ERBIN: variants seen among roughly 807,000 people sequenced by gnomAD.
ERBIN encodes densin-180-like protein.
Under a neutral mutation model 158.4 loss-of-function variants are expected in ERBIN, and 60 were observed. The observed-to-expected ratio is 0.38, with a 90% CI of 0.31 to 0.47. ERBIN has a LOEUF of 0.47. ERBIN is among the 20% of genes least tolerant of loss of function. The pLI, the probability that ERBIN is intolerant of heterozygous loss-of-function variation, is 0.99. For synonymous variants in ERBIN, 594 were observed against 557.2 expected, an observed-to-expected ratio of 1.07 and a Z score of -0.93; for missense variants, 1,610 against 1,648.0, an observed-to-expected ratio of 0.98 and a Z score of 0.40.
At chr5:65,932,402 C>T (rs929044738) in intron 1 of ERBIN, among the ~76,000 whole-genome samples, 1 of 151,242 alleles carries the variant, frequency 6.6e-6, no homozygotes, top group Non-Finnish European at 1.5e-5. Context: ...AGCTTGAAGG[C>T]ATTGCCTTTG....
intron 25 of ERBIN, among the ~76,000 whole-genome samples, 181 bp from the exon 26 acceptor site, chr5:66,078,242 A>G (rs1373083046): frequency 4.6e-5 from 7 of 152,172 alleles, no homozygotes; most frequent in African/African-American, 1.4e-4. Flanking sequence ...GACAAAATAC[A>G]CATTTTTAGA....
chr5:66,076,262 G>A (rs1761974442), intron 23 of ERBIN, 54 bp from the exon 24 acceptor site: 1 of 1,330,942 alleles, frequency 7.5e-7, no homozygotes, highest in South Asian at 1.2e-5. Flanking sequence ...GGATGTTGTT[G>A]CATTATAACT....
At chr5:66,076,972 T>A in intron 25 of ERBIN, 23 bp downstream of exon 25, 2 of 1,503,478 alleles carry the variant, frequency 1.3e-6, no homozygotes, top group South Asian at 1.2e-5. Context: ...AATCTTTTTT[T>A]TTTTCATTTT....
intron 15 of ERBIN, among the ~76,000 whole-genome samples, chr5:66,038,706 C>A (rs1364214914): frequency 1.3e-5 from 2 of 151,978 alleles, no homozygotes; most frequent in Non-Finnish European, 2.9e-5. Context: ...TTAAATTAAA[C>A]CGCAGTGTTA....
In ERBIN at chr5:66,054,193, A is replaced by AGAGGC; in HGVS notation, c.2876_2880dup (p.Pro961GlufsTer42). 1 of 1,614,162 alleles carries AGAGGC rather than the reference A, an allele frequency of 6.2e-7. No individual in the cohort carries two copies. The highest frequency in any genetic ancestry group is 8.5e-7 in the Non-Finnish European group (1 of 1,180,032). On this transcript the variant is annotated frameshift_variant, in exon 21 of 26. Transcript: ENST00000284037. LOFTEE classifies it high-confidence loss of function. ...TAATCCCGAAGAGCCAAATATAATA[A>AGAGGC]GAGGCCCCACAAGTGGCCCACAATC...
Position 66,007,412 on chromosome 5 carries a change from G to T in ERBIN, c.308-4637G>T, listed in dbSNP as rs181890724. Among the ~76,000 whole-genome samples, 582 of 85,064 alleles carry T rather than the reference G, an allele frequency of 6.8e-3. 5 individuals carry two copies. Among genetic ancestry groups the T allele is most frequent in the African/African-American group, 0.03 (541 of 18,250 alleles). The allele number at this position is 85,064 out of a possible 152,430, so 55.8% of individuals were successfully genotyped here. ...CGTGGGGTTGGGGGAGCGGGGAGGG[G>T]ATAGCGTTAGGAGATATACCTATAC... On this transcript the variant is annotated intron_variant, in intron 4 of 25. Transcript: ENST00000284037.
At position 66,050,891 on chromosome 5, in the gene ERBIN, A is replaced by G. The variant is rs1194233499; in HGVS notation, c.2012A>G (p.Asn671Ser). The change falls in exon 20 of 26, where the codon AAT becomes AGT. Residue 671 changes from asparagine to serine, a missense_variant. Physicochemically the swap from Asn to Ser is conservative, Grantham distance 46 (BLOSUM62 1). Around this residue, in one of 2 missense-constraint regions of ERBIN, gnomAD observed 1,014 missense variants for 936.1 expected, o/e 1.08. Coordinates refer to ENST00000284037, the MANE Select transcript of ERBIN (RefSeq NM_001253697.2). ...CGGATGTCTGATTCAGTTTCTCTTA[A>G]TACTGATAGTAGTCAAGACACCTCA... Reference protein sequence around the residue: ...PSRMSDSVSLNTDSSQDTSLC... With the variant: ...PSRMSDSVSLSTDSSQDTSLC... 1.1e-5 allele frequency: 18 copies of G among 1,607,408 alleles called. No individual in the cohort carries two copies. The highest frequency in any genetic ancestry group is 5.1e-5 in the Admixed American group (3 of 58,514).
rs1011806731 is a variant in ERBIN at position 66,036,406 on chromosome 5, T to A, written c.1207-1977T>A. Among the ~76,000 whole-genome samples the A allele has an allele frequency of 8.5e-5, 13 of 152,360 alleles. No homozygotes were observed. In the East Asian group the frequency reaches 1.2e-3, roughly 14 times the overall value. ...TACCCCATACACATTCATTCTCATTTCTCTAAATCAGTTCTGCTTTCTTGG... is the reference window on the plus strand; with the variant it reads ...TACCCCATACACATTCATTCTCATTACTCTAAATCAGTTCTGCTTTCTTGG... On this transcript the variant is annotated intron_variant, in intron 14 of 25. Transcript: ENST00000284037.
chr5:65,941,685 T>C (rs991671460), intron 1 of ERBIN, among the ~76,000 whole-genome samples: 2 of 152,194 alleles, frequency 1.3e-5, no homozygotes, highest in African/African-American at 4.8e-5. Context: ...TCACTACTTA[T>C]ACCCTAAGGT....
At chr5:65,977,216 C>G (rs2151003185) in intron 1 of ERBIN, among the ~76,000 whole-genome samples, 1 of 145,980 alleles carries the variant, frequency 6.9e-6, no homozygotes, top group Admixed American at 6.7e-5. Context: ...CCACCTCCCT[C>G]CCGGATGGGG....
At chr5:65,943,286 G>A (rs1382490740) in intron 1 of ERBIN, among the ~76,000 whole-genome samples, 1 of 152,180 alleles carries the variant, frequency 6.6e-6, no homozygotes, top group Non-Finnish European at 1.5e-5. Flanking sequence ...TCTCTAATCA[G>A]GCACTTGCAT....
intron 1 of ERBIN, among the ~76,000 whole-genome samples, chr5:65,946,330 C>T (rs1745741973): frequency 6.6e-6 from 1 of 152,054 alleles, no homozygotes; most frequent in South Asian, 2.1e-4. Flanking sequence ...CACCACTGCA[C>T]TCCAGCCTGG....
chr5:66,063,836 A>C (rs1416787492), intron 21 of ERBIN, among the ~76,000 whole-genome samples: 2 of 152,216 alleles, frequency 1.3e-5, no homozygotes, highest in Non-Finnish European at 2.9e-5. Context: ...AATACCAATA[A>C]AATGTCAATA....
At position 66,018,466 on chromosome 5, in the gene ERBIN, A is replaced by ATATATATTATATATTATATAT. The variant is rs1188816701; in HGVS notation, c.534-2850_534-2830dup. Among the ~76,000 whole-genome samples the ATATATATTATATATTATATAT allele has an allele frequency of 9.1e-4, 5 of 5,498 alleles. No individual in the cohort carries two copies. The East Asian group carries it at 0.016, about 18-fold the overall frequency. The allele number at this position is 5,498 out of a possible 152,430, so 3.6% of individuals were successfully genotyped here. Reference sequence around the variant, plus strand: ...AATATAATATATATTATATTATATAATATATATTATATATTATATATTATA... The same window carrying ATATATATTATATATTATATAT: ...AATATAATATATATTATATTATATAATATATATTATATATTATATATTATATATTATATATTATATATTATA... On this transcript the variant is annotated intron_variant, in intron 7 of 25. Coordinates refer to ENST00000284037, the MANE Select transcript of ERBIN (RefSeq NM_001253697.2).
chr5:65,981,311 CTTTAAAG>C (rs1750631479), intron 1 of ERBIN, among the ~76,000 whole-genome samples: 1 of 151,998 alleles, frequency 6.6e-6, no homozygotes, highest in Non-Finnish European at 1.5e-5. Flanking sequence ...TAATTTATAT[CTTTAAAG>C]TTTAATAAAG....
At chr5:66,006,600 A>C (rs1561363498) in intron 4 of ERBIN, among the ~76,000 whole-genome samples, 1 of 152,226 alleles carries the variant, frequency 6.6e-6, no homozygotes, top group Admixed American at 6.5e-5. Context: ...ATCAGAGTGA[A>C]CAGGCAACCT....
chr5:66,028,406 G>T, intron 14 of ERBIN, 63 bp downstream of exon 14: 2 of 1,272,874 alleles, frequency 1.6e-6, no homozygotes, highest in Non-Finnish European at 2.3e-6. Flanking sequence ...TTTGCACTCC[G>T]ATTTACATAG....
chr5:65,967,908 C>T (rs1748841206), intron 1 of ERBIN, among the ~76,000 whole-genome samples: 1 of 152,118 alleles, frequency 6.6e-6, no homozygotes, highest in Admixed American at 6.6e-5. Flanking sequence ...CTGCGTGTGA[C>T]TTCTCGGTAA....
At position 65,994,832 on chromosome 5, in the gene ERBIN, T is replaced by C. The variant is rs143846165; in HGVS notation, c.275T>C (p.Ile92Thr). ...TTACCAGCATCCATTGCAAACCTTATTAATCTCAGGGAACTGGATGTCAGC... is the reference window on the plus strand; with the variant it reads ...TTACCAGCATCCATTGCAAACCTTACTAATCTCAGGGAACTGGATGTCAGC... The part of the protein sequence containing the change: ...TTLPASIANL[I>T]NLRELDVSKN... Residue 92 changes from isoleucine to threonine, a missense_variant, in exon 4 of 26, where the codon ATT becomes ACT. Physicochemically the swap from Ile to Thr is moderately conservative, Grantham distance 89. Around this residue, in one of 2 missense-constraint regions of ERBIN, gnomAD observed 596 missense variants for 711.9 expected, o/e 0.84. Coordinates refer to ENST00000284037, the MANE Select transcript of ERBIN (RefSeq NM_001253697.2). 1 of 1,608,298 alleles carries C rather than the reference T, an allele frequency of 6.2e-7. No homozygotes were observed. The highest frequency in any genetic ancestry group is 8.5e-7 in the Non-Finnish European group (1 of 1,178,382).
Sources: allele counts gnomAD v4.1 joint callset (sites outside exome capture counted in the v4.1 genomes callset), GRCh38; gene constraint gnomAD v4.1.1; regional missense constraint gnomAD v4.1.1; transcripts MANE v1.5; gene names NCBI Gene and HGNC (gene_info 2026-07-23, HGNC 2026-07-21).